The following DEUP1 variants were observed in gnomAD, a reference collection of about 807,000 sequenced individuals.
The protein encoded by DEUP1 is coiled-coil domain containing 67.
In DEUP1, 82 loss-of-function variants were observed where a neutral mutation model predicts 87.4. The ratio of observed to expected loss-of-function variants is 0.94; its 90% CI spans 0.78 to 1.13. The LOEUF is 1.13. DEUP1 is among the 50% of genes most tolerant of loss of function. DEUP1 has a pLI of 0.00. For synonymous variants in DEUP1, 214 were observed against 222.7 expected, an observed-to-expected ratio of 0.96 and a Z score of 0.35; for missense variants, 663 against 681.5, an observed-to-expected ratio of 0.97 and a Z score of 0.30.
At chr11:93,364,708 G>GT (rs973276522) in intron 5 of DEUP1, among the ~76,000 whole-genome samples, 4 of 151,506 alleles carry the variant, frequency 2.6e-5, no homozygotes, top group East Asian at 1.9e-4. Context: ...AAGTTTCATG[G>GT]TTTTTTTTCT....
chr11:93,400,269 G>A (rs1336949885), intron 11 of DEUP1, among the ~76,000 whole-genome samples: 1 of 152,172 alleles, frequency 6.6e-6, no homozygotes, highest in Non-Finnish European at 1.5e-5. Flanking sequence ...AATTCAAGGT[G>A]TCAGCAGGGC....
intron 13 of DEUP1, among the ~76,000 whole-genome samples, chr11:93,419,537 C>G (rs1947792370): frequency 6.6e-6 from 1 of 152,070 alleles, no homozygotes; most frequent in Admixed American, 6.6e-5. Context: ...GGTCAAACCA[C>G]CTAGTTTTAT....
intron 13 of DEUP1, among the ~76,000 whole-genome samples, chr11:93,436,743 AAAG>A (rs1329359956): frequency 6.6e-6 from 1 of 152,250 alleles, no homozygotes; most frequent in Admixed American, 6.5e-5. Flanking sequence ...AATGAAAATC[AAAG>A]AAGAATATAG....
At chr11:93,432,331 A>G in intron 13 of DEUP1, among the ~76,000 whole-genome samples, 1 of 152,200 alleles carries the variant, frequency 6.6e-6, no homozygotes, top group Middle Eastern at 3.2e-3. Flanking sequence ...AAATTCAGCT[A>G]CAGATACAAA....
chr11:93,416,379 T>C lies in DEUP1; in HGVS notation c.1638+1265T>C, dbSNP rs549926057. On this transcript the variant is annotated intron_variant, in intron 13 of 13. Coordinates refer to ENST00000298050, the MANE Select transcript of DEUP1 (RefSeq NM_181645.4). ...CCACCGATCCCACAGAAATACAAAC[T>C]ACCATCAGAGAATACTACAAACACC... 2.0e-5 allele frequency among the ~76,000 whole-genome samples: 3 copies of C among 152,232 alleles called. No homozygotes were observed. The East Asian group carries it at 5.8e-4, about 29-fold the overall frequency.
rs61747195 is a variant in DEUP1 at position 93,415,013 on chromosome 11, T to C, written c.1537T>C (p.Cys513Arg). The C allele has an allele frequency of 0.015, 23,914 of 1,577,528 alleles. 466 individuals are homozygous for C. The highest frequency in any genetic ancestry group is 0.085 in the South Asian group (7,006 of 82,702). Residue 513 changes from cysteine (C) to arginine (R), a missense_variant, in exon 13 of 14, where the codon TGT becomes CGT. Physicochemically the swap from Cys to Arg is radical, Grantham distance 180. Transcript: ENST00000298050. ...EQNEERLSHD[C>R]EPNRSTMPPL... is the part of the protein sequence containing the mutation. ...CTTCTCTTTTAGACTTAGTCATGAC[T>C]GTGAGCCAAACAGAAGTACAATGCC...
intron 9 of DEUP1, among the ~76,000 whole-genome samples, chr11:93,393,516 C>G (rs1053794864): frequency 1.3e-5 from 2 of 152,004 alleles, no homozygotes; most frequent in African/African-American, 2.4e-5. Context: ...TTCATTCATC[C>G]TTCAGTTTTG....
At chr11:93,418,270 G>C (rs1268563442) in intron 13 of DEUP1, among the ~76,000 whole-genome samples, 2 of 151,732 alleles carry the variant, frequency 1.3e-5, no homozygotes, top group Non-Finnish European at 2.9e-5. Flanking sequence ...GAAAATTTTC[G>C]CAACCTACTC....
At chr11:93,367,085 A>G (rs1945457802) in intron 5 of DEUP1, among the ~76,000 whole-genome samples, 1 of 152,128 alleles carries the variant, frequency 6.6e-6, no homozygotes, top group Non-Finnish European at 1.5e-5. Flanking sequence ...GACTATCTCC[A>G]TTTATCATAG....
intron 2 of DEUP1, among the ~76,000 whole-genome samples, chr11:93,342,270 T>C (rs1469390163): frequency 1.3e-5 from 2 of 152,096 alleles, no homozygotes; most frequent in Non-Finnish European, 2.9e-5. Context: ...ACGGGGAAGC[T>C]CTGGAACCCA....
intron 2 of DEUP1, among the ~76,000 whole-genome samples, chr11:93,354,814 T>C (rs540623434): frequency 6.6e-6 from 1 of 152,304 alleles, no homozygotes; most frequent in East Asian, 1.9e-4. Context: ...TTCTGGGAGA[T>C]ACAATTCAAG....
At chr11:93,370,007 C>G (rs1041429631) in intron 5 of DEUP1, 66 bp from the exon 6 acceptor site, 31 of 742,338 alleles carry the variant, frequency 4.2e-5, no homozygotes, top group Middle Eastern at 2.3e-4. Context: ...ATGAAAGAAG[C>G]CTTATTTGCT....
chr11:93,396,434 G>A lies in DEUP1; in HGVS notation c.1326+109G>A, dbSNP rs919043859. 10 of 644,890 alleles carry A rather than the reference G, an allele frequency of 1.6e-5. No individual in the cohort carries two copies. In the African/African-American group the frequency reaches 1.7e-4, roughly 11 times the overall value. The allele number at this position is 644,890 out of a possible 1,614,324, so 39.9% of individuals were successfully genotyped here. On this transcript the variant is annotated intron_variant, in intron 11 of 13. Transcript: ENST00000298050. ...CTTGCTGTGTGTTAGACATGAAGGA[G>A]TTGGGTGGTAAATTATCTTGTGCTT...
In DEUP1 at chr11:93,438,025, C is replaced by G. The variant is rs1948297781; in HGVS notation, c.*306C>G. The stretch of plus-strand genomic sequence containing the variant: ...TCAAATATGCAGTTTTTTTTCCCCA[C>G]TTGAATCATGTATACTGAAAACCCA... On this transcript the variant is annotated 3_prime_UTR_variant, in exon 14 of 14. Transcript: ENST00000298050. 1 of 225,880 alleles carries G rather than the reference C, an allele frequency of 4.4e-6. No homozygotes were observed. Among genetic ancestry groups the G allele is most frequent in the African/African-American group, 2.4e-5 (1 of 42,252 alleles). 14.0% of individuals were successfully genotyped at this position (225,880 alleles called of 1,614,324 possible).
chr11:93,341,999 C>T (rs1316239365), intron 2 of DEUP1, among the ~76,000 whole-genome samples: 1 of 152,142 alleles, frequency 6.6e-6, no homozygotes, highest in Admixed American at 6.5e-5. Context: ...TTCTCGGCTT[C>T]ATCCTCATCT....
intron 13 of DEUP1, among the ~76,000 whole-genome samples, chr11:93,434,551 A>G (rs1008522020): frequency 2.6e-5 from 4 of 152,140 alleles, no homozygotes; most frequent in Non-Finnish European, 4.4e-5. Context: ...CCAATATAGG[A>G]ACTCCACTCT....
chr11:93,433,777 A>C (rs951525652), intron 13 of DEUP1, among the ~76,000 whole-genome samples: 5 of 152,116 alleles, frequency 3.3e-5, no homozygotes, highest in African/African-American at 1.2e-4. Context: ...GAAGGGGAGG[A>C]AAATTAAGCA....
chr11:93,365,658 T>TTA (rs1367030298), intron 5 of DEUP1, among the ~76,000 whole-genome samples: 2 of 152,170 alleles, frequency 1.3e-5, no homozygotes, highest in African/African-American at 4.8e-5. Flanking sequence ...AATATTTACG[T>TTA]TATATATATG....
chr11:93,366,068 G>T (rs184537011), intron 5 of DEUP1, among the ~76,000 whole-genome samples: 1 of 152,262 alleles, frequency 6.6e-6, no homozygotes, highest in Non-Finnish European at 1.5e-5. Flanking sequence ...TACCTTATAT[G>T]TAACATTGTT....
Sources: allele counts gnomAD v4.1 joint callset (sites outside exome capture counted in the v4.1 genomes callset), GRCh38; gene constraint gnomAD v4.1.1; transcripts MANE v1.5; gene names NCBI Gene and HGNC (gene_info 2026-07-23, HGNC 2026-07-21).